The following POMP variants were observed in gnomAD, a reference collection of about 807,000 sequenced individuals.
The protein encoded by POMP is proteasome maturation protein.
POMP carries 12 observed loss-of-function variants against 20.6 expected under a neutral mutation model. The observed-to-expected ratio is 0.58, with a 90% CI of 0.37 to 0.94. The LOEUF (loss-of-function observed/expected upper bound fraction) is 0.94, where lower values mean the gene tolerates loss of function less well. POMP is among the 40% of genes least tolerant of loss of function. The pLI is 0.01. For synonymous variants in POMP, 53 were observed against 55.0 expected (o/e 0.96, Z 0.16); for missense variants, 136 against 161.1 (o/e 0.84, Z 0.84).
chr13:28,671,983 T>G (rs1884556081), intron 4 of POMP, among the ~76,000 whole-genome samples: 1 of 152,174 alleles, frequency 6.6e-6, no homozygotes, highest in Admixed American at 6.5e-5. Flanking sequence ...TGAGTTGGAC[T>G]TTCTTCAGGA....
chr13:28,665,565 G>A (rs543753352), intron 3 of POMP, among the ~76,000 whole-genome samples: 1 of 152,280 alleles, frequency 6.6e-6, no homozygotes, highest in African/African-American at 2.4e-5. Context: ...ATGAAAATTG[G>A]TTATAGATGG....
At chr13:28,670,824 A>G (rs1010591407) in intron 4 of POMP, among the ~76,000 whole-genome samples, 2 of 152,308 alleles carry the variant, frequency 1.3e-5, no homozygotes, top group African/African-American at 4.8e-5. Flanking sequence ...AGGCAGATGG[A>G]TCACCTGAGG....
intron 5 of POMP, among the ~76,000 whole-genome samples, chr13:28,677,067 A>G (rs1884640824): frequency 1.3e-5 from 2 of 152,232 alleles, no homozygotes; most frequent in South Asian, 2.1e-4. Flanking sequence ...AAATATTACC[A>G]TTGAAACTCA....
intron 5 of POMP, among the ~76,000 whole-genome samples, chr13:28,676,551 T>A (rs1447675733): frequency 2.0e-5 from 3 of 152,166 alleles, no homozygotes; most frequent in Non-Finnish European, 4.4e-5. Context: ...TAGTTAAGGG[T>A]CATGTTGATC....
At chr13:28,668,434 T>C (rs771031308) in intron 3 of POMP, 39 bp from the exon 4 acceptor site, 1 of 1,400,722 alleles carries the variant, frequency 7.1e-7, no homozygotes, top group South Asian at 1.2e-5. Flanking sequence ...GAAAGCAGAG[T>C]ATTGAGTGTA....
rs144559307 is a variant in POMP at position 28,678,864 on chromosome 13, CATT to C, written c.*764_*766del. On this transcript the variant is annotated 3_prime_UTR_variant, in exon 6 of 6. Coordinates refer to ENST00000380842, the MANE Select transcript of POMP (RefSeq NM_015932.6). Reference sequence around the variant, plus strand: ...TATATAAAAATTTACATTTTTAGAACATTAGTGAATGGATCATCTTTTACAATT... The same window carrying C: ...TATATAAAAATTTACATTTTTAGAACAGTGAATGGATCATCTTTTACAATT... 21 of 152,240 alleles carry C rather than the reference CATT, an allele frequency of 1.4e-4. No individual in the cohort carries two copies. In the East Asian group the frequency reaches 3.7e-3, roughly 27 times the overall value. 9.4% of individuals were successfully genotyped at this position (152,240 alleles called of 1,614,324 possible). A position where few individuals can be genotyped will look rare whatever the true frequency, so the allele number is the denominator to read the frequency against.
rs3827 is a variant in POMP at position 28,661,244 on chromosome 13, G to T, written c.4-1166G>T. Among the ~76,000 whole-genome samples, 3 of 151,900 alleles carry T rather than the reference G, an allele frequency of 2.0e-5. No individual in the cohort carries two copies. The East Asian group carries it at 5.8e-4, about 29-fold the overall frequency. ...TTGGGGGGTGCTGAGGCAGGAAGATGGCTTGAGCACAGGAGTTTGAGACTA... is the reference window on the plus strand; with the variant it reads ...TTGGGGGGTGCTGAGGCAGGAAGATTGCTTGAGCACAGGAGTTTGAGACTA... On this transcript the variant is annotated intron_variant, in intron 1 of 5. Transcript: ENST00000380842.
intron 1 of POMP, among the ~76,000 whole-genome samples, chr13:28,661,415 G>A (rs1210592883): frequency 9.9e-5 from 15 of 152,202 alleles, no homozygotes; most frequent in African/African-American, 1.4e-4. Context: ...GCAGTTAGCC[G>A]TGATTGCTCG....
At chr13:28,662,084 G>A (rs986548900) in intron 1 of POMP, among the ~76,000 whole-genome samples, 12 of 152,116 alleles carry the variant, frequency 7.9e-5, no homozygotes, top group African/African-American at 2.9e-4. Context: ...AACATATTTA[G>A]CCAGTTATCT....
At chr13:28,671,459 T>C (rs1884544455) in intron 4 of POMP, among the ~76,000 whole-genome samples, 1 of 151,998 alleles carries the variant, frequency 6.6e-6, no homozygotes. Flanking sequence ...CTTTTTTTTT[T>C]TTTTCTTATC....
Position 28,662,517 on chromosome 13 carries a change from GGAGTTAT to G in POMP, c.101+13_101+19del. 1 of 1,588,704 alleles carries G rather than the reference GGAGTTAT, an allele frequency of 6.3e-7. No homozygotes were observed. Among genetic ancestry groups the G allele is most frequent in the Non-Finnish European group, 8.6e-7 (1 of 1,157,108 alleles). The stretch of plus-strand genomic sequence containing the variant: ...ATCTTCTTCGGAAAGGGTATATGGG[GGAGTTAT>G]GACTTTGATTTTGTTATGTTTCTGT... On this transcript the variant is annotated intron_variant, in intron 2 of 5. Coordinates refer to ENST00000380842, the MANE Select transcript of POMP (RefSeq NM_015932.6).
At chr13:28,664,362 A>G (rs1710976950) in intron 2 of POMP, 147 bp from the exon 3 acceptor site, 4 of 571,600 alleles carry the variant, frequency 7.0e-6, no homozygotes, top group South Asian at 2.4e-5. Flanking sequence ...ATCAATTCCT[A>G]TGACTGTCAC....
chr13:28,666,287 T>C (rs927215398), intron 3 of POMP, among the ~76,000 whole-genome samples: 7 of 152,218 alleles, frequency 4.6e-5, no homozygotes, highest in African/African-American at 1.4e-4. Context: ...TTACGTTAGT[T>C]ACTAAAAAGA....
At chr13:28,672,481 C>G (rs1247397067) in intron 5 of POMP, 49 bp downstream of exon 5, 2 of 1,373,160 alleles carry the variant, frequency 1.5e-6, no homozygotes, top group Admixed American at 1.7e-5. Flanking sequence ...ATTTAAAAGG[C>G]AAACAGCTGC....
At chr13:28,661,583 A>G (rs1477729082) in intron 1 of POMP, among the ~76,000 whole-genome samples, 1 of 152,266 alleles carries the variant, frequency 6.6e-6, no homozygotes, top group Non-Finnish European at 1.5e-5. Flanking sequence ...ATGTAGCTTC[A>G]GTATCTAGCA....
chr13:28,662,278 A>G, intron 1 of POMP, 132 bp from the exon 2 acceptor site: 1 of 638,454 alleles, frequency 1.6e-6, no homozygotes, highest in South Asian at 1.9e-5. Context: ...GCTTGCTGTA[A>G]TTGTCTAGTC....
chr13:28,673,677 G>A lies in POMP; in HGVS notation c.358+1245G>A, dbSNP rs116001447. The stretch of plus-strand genomic sequence containing the variant: ...GCATTTTGGATGCAGGAAAAGCTGG[G>A]ATTCTTAAGCTTTTACATTGAACTT... On this transcript the variant is annotated intron_variant, in intron 5 of 5. Transcript: ENST00000380842. Among the ~76,000 whole-genome samples, 944 of 152,280 alleles carry A rather than the reference G, an allele frequency of 6.2e-3. 10 individuals carry two copies. Among genetic ancestry groups the A allele is most frequent in the African/African-American group, 0.022 (910 of 41,552 alleles).
At chr13:28,661,077 A>G (rs1884331950) in intron 1 of POMP, among the ~76,000 whole-genome samples, 1 of 152,222 alleles carries the variant, frequency 6.6e-6, no homozygotes. Flanking sequence ...TTCTAGAATA[A>G]TATAAAATTT....
Position 28,678,206 on chromosome 13 carries a change from C to G in POMP, c.*104C>G, listed in dbSNP as rs946296210. The G allele has an allele frequency of 1.7e-6, 2 of 1,159,146 alleles. No individual in the cohort carries two copies. Among genetic ancestry groups the G allele is most frequent in the African/African-American group, 3.1e-5 (2 of 65,416 alleles). The allele number at this position is 1,159,146 out of a possible 1,614,324, so 71.8% of individuals were successfully genotyped here. On this transcript the variant is annotated 3_prime_UTR_variant, in exon 6 of 6. Transcript: ENST00000380842. ...TAAAAGTACTGACACCTGAGAATTT[C>G]TGCTCAAGTAGTATCAGTGATCATT...
Sources: allele counts gnomAD v4.1 joint callset (sites outside exome capture counted in the v4.1 genomes callset), GRCh38; gene constraint gnomAD v4.1.1; transcripts MANE v1.5; gene names NCBI Gene and HGNC (gene_info 2026-07-23, HGNC 2026-07-21).